The following MARCHF6 variants were observed in gnomAD, a reference collection of about 807,000 sequenced individuals.
MARCHF6 encodes the protein membrane associated ring-CH-type finger 6, also known as E3 ubiquitin-protein ligase MARCHF6.
A neutral mutation model predicts 133.7 loss-of-function variants in MARCHF6; 31 were observed. The observed-to-expected ratio is 0.23, with a 90% CI of 0.17 to 0.31. MARCHF6 has a LOEUF of 0.31. Ranked by LOEUF, MARCHF6 falls within the 10% of genes least tolerant of loss-of-function variation. The probability of loss-of-function intolerance (pLI) is 1.00; values close to 1 mark genes in which losing one functional copy is unlikely to be tolerated. For synonymous variants in MARCHF6, 395 were observed against 402.5 expected (o/e 0.98, Z 0.22); for missense variants, 723 against 1,121.6 (o/e 0.64, Z 5.08).
At chr5:10,410,020 G>GA in intron 17 of MARCHF6, 119 bp from the exon 18 acceptor site, 2 of 1,063,792 alleles carry the variant, frequency 1.9e-6, no homozygotes, top group Non-Finnish European at 2.8e-6. Context: ...GAGAGAGAAT[G>GA]AAAGGAGAGG....
At chr5:10,377,490 T>C (rs1736862105) in intron 1 of MARCHF6, among the ~76,000 whole-genome samples, 1 of 152,244 alleles carries the variant, frequency 6.6e-6, no homozygotes, top group Admixed American at 6.5e-5. Flanking sequence ...TACATATTTT[T>C]ATTATTTGTT....
At chr5:10,410,487 G>A (rs1378099717) in intron 18 of MARCHF6, among the ~76,000 whole-genome samples, 1 of 148,108 alleles carries the variant, frequency 6.8e-6, no homozygotes, top group Non-Finnish European at 1.5e-5. Flanking sequence ...ACATCTTTTT[G>A]CCCTCTTATA....
At chr5:10,375,466 C>T (rs1033351573) in intron 1 of MARCHF6, among the ~76,000 whole-genome samples, 29 of 152,374 alleles carry the variant, frequency 1.9e-4, no homozygotes, top group African/African-American at 6.0e-4. Flanking sequence ...CTGTGCGGCC[C>T]GAGCCTCCCC....
chr5:10,390,240 TCTGAGAC>T, intron 5 of MARCHF6, 85 bp from the exon 6 acceptor site: 7 of 956,156 alleles, frequency 7.3e-6, no homozygotes, highest in East Asian at 2.6e-5. Context: ...TTTTTTTTTT[TCTGAGAC>T]TTTAGTATAA....
chr5:10,354,411 G>GCTGACCCC (rs1390450704), intron 1 of MARCHF6, among the ~76,000 whole-genome samples: 1 of 152,194 alleles, frequency 6.6e-6, no homozygotes, highest in East Asian at 1.9e-4. Context: ...AGTGGAGTGA[G>GCTGACCCC]CTGACCCCTG....
rs755183036 is a variant in MARCHF6, at chr5:10,400,773, C to T, written c.914-11C>T. 5.0e-6 allele frequency: 8 copies of T among 1,608,658 alleles called. No homozygotes were observed. Among genetic ancestry groups the T allele is most frequent in the South Asian group, 1.1e-5 (1 of 90,940 alleles). On this transcript the variant is annotated splice_polypyrimidine_tract_variant and intron_variant, in intron 10 of 25. Coordinates refer to ENST00000274140, the MANE Select transcript of MARCHF6 (RefSeq NM_005885.4). ...GTCGGAGTTTTCATGGAATTTTTTCCCCCTTTTTAGCATTTTGCCCTTACC... is the reference window on the plus strand; with the variant it reads ...GTCGGAGTTTTCATGGAATTTTTTCTCCCTTTTTAGCATTTTGCCCTTACC...
intron 10 of MARCHF6, among the ~76,000 whole-genome samples, chr5:10,399,091 A>T (rs1174822276): frequency 6.6e-6 from 1 of 152,146 alleles, no homozygotes; most frequent in East Asian, 1.9e-4. Flanking sequence ...GTGTAATGGG[A>T]TGGAAATTGA....
intron 17 of MARCHF6, among the ~76,000 whole-genome samples, chr5:10,407,841 A>G (rs770107534): frequency 2.6e-5 from 4 of 152,044 alleles, no homozygotes; most frequent in Non-Finnish European, 4.4e-5. Flanking sequence ...CTGTAATCCC[A>G]ACTACTCGGG....
At position 10,410,096 on chromosome 5, in the gene MARCHF6, A is replaced by T. The variant is rs377597973; in HGVS notation, c.1554-43A>T. 4 of 1,601,756 alleles carry T rather than the reference A, an allele frequency of 2.5e-6. No homozygotes were observed. The South Asian group carries it at 3.3e-5, about 13-fold the overall frequency. On this transcript the variant is annotated intron_variant, in intron 17 of 25. Coordinates refer to ENST00000274140, the MANE Select transcript of MARCHF6 (RefSeq NM_005885.4). ...GTTGTAATCCCATTAAATAGTAGTC[A>T]TATGCAAAATACAATTCACATTATA... is the stretch of plus-strand genomic sequence containing the variant.
At position 10,436,803 on chromosome 5, in the gene MARCHF6, T is replaced by A. The variant is rs1740672243; in HGVS notation, c.*3119T>A. On this transcript the variant is annotated 3_prime_UTR_variant, in exon 26 of 26. Transcript: ENST00000274140. ...ACTTCCCATGTTTTTAGGTGACTTT[T>A]TTCCCCCTCTTAGTACTCTGGAGAA... is the stretch of plus-strand genomic sequence containing the variant. 6.6e-6 allele frequency: 1 copy of A among 152,250 alleles called. No homozygotes were observed. The highest frequency in any genetic ancestry group is 2.4e-5 in the African/African-American group (1 of 41,476). The allele number at this position is 152,250 out of a possible 1,614,324, so 9.4% of individuals were successfully genotyped here.
At chr5:10,395,522 T>G (rs1048304910) in intron 9 of MARCHF6, among the ~76,000 whole-genome samples, 1 of 152,166 alleles carries the variant, frequency 6.6e-6, no homozygotes, top group African/African-American at 2.4e-5. Flanking sequence ...AAGTCTAAGG[T>G]GAGGAGCAAT....
intron 11 of MARCHF6, chr5:10,401,813 C>G (rs2126761951): frequency 3.8e-6 from 2 of 528,752 alleles, no homozygotes; most frequent in South Asian, 5.9e-5. Flanking sequence ...TTAATTCACT[C>G]TACTGTTATT....
At position 10,436,279 on chromosome 5, in the gene MARCHF6, C is replaced by T. The variant is rs2126399983; in HGVS notation, c.*2595C>T. The T allele has an allele frequency of 6.6e-6, 1 of 152,198 alleles. No individual in the cohort carries two copies. Among genetic ancestry groups the T allele is most frequent in the South Asian group, 2.1e-4 (1 of 4,816 alleles). 9.4% of individuals were successfully genotyped at this position (152,198 alleles called of 1,614,324 possible). On this transcript the variant is annotated 3_prime_UTR_variant, in exon 26 of 26. Coordinates refer to ENST00000274140, the MANE Select transcript of MARCHF6 (RefSeq NM_005885.4). Reference sequence around the variant, plus strand: ...CTGGCAGGTAATTTATATTGTCTTACTTAAGAATTCTCCCCTAGTTTTTCA... The same window carrying T: ...CTGGCAGGTAATTTATATTGTCTTATTTAAGAATTCTCCCCTAGTTTTTCA...
chr5:10,405,968 A>G (rs764018496), intron 16 of MARCHF6, among the ~76,000 whole-genome samples: 7 of 152,164 alleles, frequency 4.6e-5, no homozygotes, highest in African/African-American at 9.7e-5. Context: ...ATGTCCCGTT[A>G]GGAATGGCCG....
At chr5:10,393,703 C>A (rs1421019263) in intron 7 of MARCHF6, among the ~76,000 whole-genome samples, 1 of 152,210 alleles carries the variant, frequency 6.6e-6, no homozygotes, top group African/African-American at 2.4e-5. Flanking sequence ...CTTGTATGAT[C>A]TGATTTCTGT....
chr5:10,401,882 G>T, intron 11 of MARCHF6, 177 bp from the exon 12 acceptor site: 1 of 592,862 alleles, frequency 1.7e-6, no homozygotes. Context: ...ATATATAACA[G>T]TCAGTGAGAG....
At chr5:10,415,733 C>G (rs1447759752) in intron 21 of MARCHF6, 64 bp downstream of exon 21, 2 of 1,394,060 alleles carry the variant, frequency 1.4e-6, no homozygotes, top group Non-Finnish European at 1.9e-6. Flanking sequence ...TTCCAGTCAT[C>G]TTAAATTTTT....
At chr5:10,374,799 G>T (rs1020691281) in intron 1 of MARCHF6, among the ~76,000 whole-genome samples, 3 of 152,218 alleles carry the variant, frequency 2.0e-5, no homozygotes, top group Non-Finnish European at 2.9e-5. Context: ...AGCCCTTTGG[G>T]TCGTGGTAGG....
In MARCHF6 at chr5:10,353,857, C is replaced by T. The variant is rs760147777; in HGVS notation, c.-42C>T. 1.3e-6 allele frequency: 2 copies of T among 1,549,842 alleles called. No individual in the cohort carries two copies. Among genetic ancestry groups the T allele is most frequent in the Non-Finnish European group, 8.7e-7 (1 of 1,151,008 alleles). On this transcript the variant is annotated 5_prime_UTR_variant, in exon 1 of 26. Transcript: ENST00000274140. ...CCCTCCCTCTTTCCCCGCCCGGCCG[C>T]GGGAGCCTCGTGGCTGCGTCACCGC...
Sources: gnomAD v4.1 joint callset for allele counts (sites outside exome capture counted in the v4.1 genomes callset) on GRCh38, gnomAD v4.1.1 for gene constraint, MANE v1.5 for transcripts, NCBI Gene and HGNC (gene_info 2026-07-23, HGNC 2026-07-21) for gene names.